The following KLRG1 variants were observed in gnomAD, a reference collection of about 807,000 sequenced individuals.
The protein encoded by KLRG1 is killer cell lectin-like receptor subfamily G member 1.
Under a neutral mutation model 21.8 loss-of-function variants are expected in KLRG1, and 16 were observed. That is an observed-to-expected ratio of 0.73 (90% CI 0.50 to 1.11). The LOEUF is 1.11. Among genes scored for constraint, KLRG1 ranks in the 50% most tolerant of loss-of-function variants. KLRG1 has a pLI of 0.00. For missense variants in KLRG1, 173 were observed against 218.3 expected, an observed-to-expected ratio of 0.79 and a Z score of 1.31; for synonymous variants, 69 against 75.9, an observed-to-expected ratio of 0.91 and a Z score of 0.47.
At chr12:9,178,825 G>A in the KLRG1 span, among the ~76,000 whole-genome samples, 1 of 152,170 alleles carries the variant, frequency 6.6e-6, no homozygotes, top group South Asian at 2.1e-4. Flanking sequence ...AGATCAGGGG[G>A]CACTAGTGGA....
the KLRG1 span, chr12:9,107,465 C>T: frequency 6.3e-7 from 1 of 1,588,278 alleles, no homozygotes; most frequent in African/African-American, 1.3e-5. Context: ...TGCTGCAACT[C>T]ACTGCTTTTC....
At chr12:9,199,098 G>A in the KLRG1 span, among the ~76,000 whole-genome samples, 1 of 152,144 alleles carries the variant, frequency 6.6e-6, no homozygotes, top group Admixed American at 6.5e-5. Flanking sequence ...AAGAGATGGA[G>A]GCACAGAGAA....
the KLRG1 span, among the ~76,000 whole-genome samples, chr12:9,211,325 T>A: frequency 6.6e-6 from 1 of 152,134 alleles, no homozygotes; most frequent in Admixed American, 6.5e-5. Context: ...TTTAATTAAC[T>A]ATTTACATGA....
At chr12:9,085,279 A>G in the KLRG1 span, among the ~76,000 whole-genome samples, 1 of 152,270 alleles carries the variant, frequency 6.6e-6, no homozygotes, top group Admixed American at 6.5e-5. Context: ...AGCAAATTTA[A>G]GAAGACTGAA....
chr12:9,084,789 C>G, the KLRG1 span, among the ~76,000 whole-genome samples: 1 of 152,052 alleles, frequency 6.6e-6, no homozygotes, highest in African/African-American at 2.4e-5. Context: ...AAGAGACTCA[C>G]CTAATTTTTA....
At chr12:9,143,480 G>A in the KLRG1 span, among the ~76,000 whole-genome samples, 1 of 152,104 alleles carries the variant, frequency 6.6e-6, no homozygotes, top group African/African-American at 2.4e-5. Flanking sequence ...TCAGAGGAAG[G>A]GGTTTAGAAG....
At chr12:9,117,266 C>G in the KLRG1 span, among the ~76,000 whole-genome samples, 3 of 152,204 alleles carry the variant, frequency 2.0e-5, no homozygotes, top group African/African-American at 7.2e-5. Flanking sequence ...AGTGGATTGA[C>G]TTCAGGTTTG....
At chr12:9,054,050 G>A in the KLRG1 span, among the ~76,000 whole-genome samples, 1 of 152,092 alleles carries the variant, frequency 6.6e-6, no homozygotes, top group Non-Finnish European at 1.5e-5. Flanking sequence ...TCCTCACTTG[G>A]TGCTCTGTGA....
chr12:9,165,036 A>G, the KLRG1 span: 5 of 1,378,578 alleles, frequency 3.6e-6, no homozygotes, highest in South Asian at 6.3e-5. Context: ...CTAACACACA[A>G]TCCCTTGAAT....
chr12:9,051,763 GC>G, the KLRG1 span, among the ~76,000 whole-genome samples: 11 of 152,110 alleles, frequency 7.2e-5, no homozygotes, highest in South Asian at 2.1e-4. Context: ...TTTTATCACT[GC>G]CATCAACACT....
At chr12:8,952,218 C>G (rs1011870555) in intron 1 of KLRG1, among the ~76,000 whole-genome samples, 1 of 152,160 alleles carries the variant, frequency 6.6e-6, no homozygotes, top group Non-Finnish European at 1.5e-5. Flanking sequence ...GAAAGCAGTT[C>G]TAGGATTGTT....
intron 1 of KLRG1, among the ~76,000 whole-genome samples, chr12:8,952,168 C>T (rs1168639556): frequency 6.6e-6 from 1 of 152,236 alleles, no homozygotes; most frequent in East Asian, 1.9e-4. Context: ...TACACCCACA[C>T]TGCCTTCTCT....
chr12:9,101,823 TTTG>T, the KLRG1 span: 1 of 667,412 alleles, frequency 1.5e-6, no homozygotes, highest in East Asian at 2.8e-5. Context: ...GACCCCTGAT[TTTG>T]TTTCTCTGCT....
the KLRG1 span, among the ~76,000 whole-genome samples, chr12:9,035,373 C>T: frequency 1.3e-5 from 2 of 152,112 alleles, no homozygotes; most frequent in East Asian, 3.9e-4. Flanking sequence ...CACATGTTCT[C>T]ACTCATAAGT....
At chr12:9,095,558 T>C in the KLRG1 span, 1 of 1,612,552 alleles carries the variant, frequency 6.2e-7, no homozygotes, top group Non-Finnish European at 8.5e-7. Context: ...GCTGTACATA[T>C]CCTTTTCATT....
the KLRG1 span, among the ~76,000 whole-genome samples, chr12:9,082,439 C>T: frequency 6.6e-6 from 1 of 152,162 alleles, no homozygotes; most frequent in South Asian, 2.1e-4. Flanking sequence ...GTGGCCCTAC[C>T]AAACATAAGA....
chr12:9,004,271 A>G (rs1161791053), intron 3 of KLRG1, among the ~76,000 whole-genome samples: 2 of 152,148 alleles, frequency 1.3e-5, no homozygotes, highest in Non-Finnish European at 2.9e-5. Context: ...TCCCTGAGGA[A>G]TGGCCACACT....
At chr12:9,204,034 G>T in the KLRG1 span, 3 of 1,287,538 alleles carry the variant, frequency 2.3e-6, no homozygotes, top group Non-Finnish European at 3.2e-6. Context: ...ATAACAATAT[G>T]TATTAATTGG....
upstream of KLRG1, chr12:8,987,035 A>C (rs1382107271): frequency 1.3e-5 from 2 of 152,212 alleles, no homozygotes; most frequent in African/African-American, 4.8e-5. Context: ...CAGAACTGTG[A>C]GCCAATTAAA....
Sources: allele counts gnomAD v4.1 joint callset (sites outside exome capture counted in the v4.1 genomes callset), GRCh38; gene constraint gnomAD v4.1.1; transcripts MANE v1.5; gene names NCBI Gene and HGNC (gene_info 2026-07-23, HGNC 2026-07-21).